MAP3K1: variants seen among roughly 807,000 people sequenced by gnomAD.
MAP3K1 encodes the protein MAP/ERK kinase kinase 1.
A neutral mutation model predicts 144.2 loss-of-function variants in MAP3K1; 36 were observed. The observed-to-expected ratio is 0.25, with a 90% CI of 0.19 to 0.33. The LOEUF is 0.33. MAP3K1 is among the 10% of genes least tolerant of loss of function. The pLI is 1.00. For synonymous variants in MAP3K1, 718 were observed against 688.7 expected, an observed-to-expected ratio of 1.04 and a Z score of -0.67; for missense variants, 1,650 against 1,881.9, an observed-to-expected ratio of 0.88 and a Z score of 2.28.
At chr5:56,851,517 T>G (rs1747172372) in intron 1 of MAP3K1, among the ~76,000 whole-genome samples, 1 of 152,204 alleles carries the variant, frequency 6.6e-6, no homozygotes, top group Non-Finnish European at 1.5e-5. Flanking sequence ...ACTTGTTAGG[T>G]TGACTTTTGT....
chr5:56,837,039 A>G (rs73759229), intron 1 of MAP3K1, among the ~76,000 whole-genome samples: 3,142 of 152,212 alleles, frequency 0.021, 103 homozygotes, highest in African/African-American at 0.073. Flanking sequence ...TCCTGCCAGC[A>G]GTATCCCCCC....
At chr5:56,847,056 C>G (rs898554808) in intron 1 of MAP3K1, among the ~76,000 whole-genome samples, 1 of 152,186 alleles carries the variant, frequency 6.6e-6, no homozygotes, top group African/African-American at 2.4e-5. Context: ...ACACTACTGC[C>G]TTATTTTCTT....
chr5:56,869,381 A>G (rs985524031), intron 6 of MAP3K1, among the ~76,000 whole-genome samples: 1 of 152,214 alleles, frequency 6.6e-6, no homozygotes, highest in African/African-American at 2.4e-5. Context: ...TACTGGAGAC[A>G]CATAGTGGTG....
chr5:56,834,245 T>C (rs1746578207), intron 1 of MAP3K1, among the ~76,000 whole-genome samples: 1 of 152,202 alleles, frequency 6.6e-6, no homozygotes, highest in African/African-American at 2.4e-5. Flanking sequence ...CTTTCCTATG[T>C]GTATGTACTG....
chr5:56,883,975 C>G (rs1748302701), intron 15 of MAP3K1, among the ~76,000 whole-genome samples: 1 of 151,996 alleles, frequency 6.6e-6, no homozygotes, highest in Non-Finnish European at 1.5e-5. Flanking sequence ...ATGGTGAAAC[C>G]CTACCTCTAC....
intron 1 of MAP3K1, among the ~76,000 whole-genome samples, chr5:56,848,642 T>G (rs915030097): frequency 6.6e-6 from 1 of 152,234 alleles, no homozygotes; most frequent in Non-Finnish European, 1.5e-5. Flanking sequence ...TATATATATT[T>G]TATGTTTCTA....
chr5:56,882,071 A>C lies in MAP3K1; in HGVS notation c.2871A>C (p.Gln957His). ...TTTEQPKPMV[Q>H]TKGRPHSQCL... is the part of the protein sequence containing the mutation. ...CAGAGCAACCAAAGCCAATGGTTCA[A>C]ACAAAAGGCAGACCCCACAGTCAGT... is the stretch of plus-strand genomic sequence containing the variant. Residue 957 changes from glutamine (Q) to histidine (H), a missense_variant, in exon 14 of 20, where the codon CAA becomes CAC. Physicochemically the swap from Gln to His is conservative, Grantham distance 24 (BLOSUM62 0). Coordinates refer to ENST00000399503, the MANE Select transcript of MAP3K1 (RefSeq NM_005921.2). 6.2e-7 allele frequency: 1 copy of C among 1,614,202 alleles called. No individual in the cohort carries two copies. The highest frequency in any genetic ancestry group is 2.2e-5 in the East Asian group (1 of 44,890).
At chr5:56,829,207 G>C (rs1243605956) in intron 1 of MAP3K1, among the ~76,000 whole-genome samples, 2 of 150,466 alleles carry the variant, frequency 1.3e-5, no homozygotes, top group Middle Eastern at 3.2e-3. Flanking sequence ...TCTGAGACAG[G>C]GTCTCACTCC....
At chr5:56,842,304 A>G (rs1746838358) in intron 1 of MAP3K1, 1 of 152,236 alleles carries the variant, frequency 6.6e-6, no homozygotes, top group Admixed American at 6.5e-5. Flanking sequence ...ATAGTGGAGG[A>G]GGACAGGACT....
intron 7 of MAP3K1, among the ~76,000 whole-genome samples, chr5:56,872,256 T>C (rs912057651): frequency 6.6e-6 from 1 of 152,126 alleles, no homozygotes; most frequent in African/African-American, 2.4e-5. Context: ...GTGTGACATA[T>C]GTGATAATGG....
chr5:56,842,435 C>G (rs1001941492), intron 1 of MAP3K1, among the ~76,000 whole-genome samples: 3 of 152,178 alleles, frequency 2.0e-5, no homozygotes, highest in Admixed American at 2.0e-4. Context: ...GGACTCTTAC[C>G]TTGTAGCTTT....
At chr5:56,839,411 C>T (rs2111808930) in intron 1 of MAP3K1, among the ~76,000 whole-genome samples, 1 of 152,140 alleles carries the variant, frequency 6.6e-6, no homozygotes, top group South Asian at 2.1e-4. Flanking sequence ...TTTATCCTTG[C>T]TTATGTGTAC....
rs140480808 is a variant in MAP3K1, at chr5:56,873,094, A to T, written c.1686+89A>T. 1.0e-5 allele frequency: 13 copies of T among 1,272,250 alleles called. No individual in the cohort carries two copies. The African/African-American group carries it at 1.8e-4, about 17-fold the overall frequency. The allele number at this position is 1,272,250 out of a possible 1,614,324, so 78.8% of individuals were successfully genotyped here. A position where few individuals can be genotyped will look rare whatever the true frequency, so the allele number is the denominator to read the frequency against. On this transcript the variant is annotated intron_variant, in intron 9 of 19. Transcript: ENST00000399503. ...TCCTTCCCTCAGTTGTTCATAATTT[A>T]AAAAAACACTTTTACTTGCCTCCAT...
intron 1 of MAP3K1, among the ~76,000 whole-genome samples, chr5:56,818,247 A>T (rs1304404158): frequency 6.6e-6 from 1 of 152,070 alleles, no homozygotes; most frequent in Non-Finnish European, 1.5e-5. Flanking sequence ...TTGAGTGTGT[A>T]TATTTTGTAT....
chr5:56,863,122 A>G (rs1189929063), intron 3 of MAP3K1, among the ~76,000 whole-genome samples: 1 of 152,242 alleles, frequency 6.6e-6, no homozygotes, highest in Non-Finnish European at 1.5e-5. Context: ...GCAAACACCT[A>G]GCTGTAGCCA....
intron 1 of MAP3K1, among the ~76,000 whole-genome samples, chr5:56,828,490 C>A (rs888688181): frequency 6.6e-6 from 1 of 152,008 alleles, no homozygotes; most frequent in South Asian, 2.1e-4. Flanking sequence ...GAATTTTAAA[C>A]CTGGGTAACA....
At chr5:56,847,238 A>G (rs1747026149) in intron 1 of MAP3K1, among the ~76,000 whole-genome samples, 1 of 152,230 alleles carries the variant, frequency 6.6e-6, no homozygotes. Context: ...GTTTTATCTT[A>G]AATATGTCAG....
At chr5:56,816,082 G>A in intron 1 of MAP3K1, 27 bp downstream of exon 1, 1 of 1,206,996 alleles carries the variant, frequency 8.3e-7, no homozygotes, top group Non-Finnish European at 1.0e-6. Context: ...GGGTCGCGGC[G>A]GGGACTTGGA....
chr5:56,880,975 A>G, intron 12 of MAP3K1, 108 bp from the exon 13 acceptor site: 1 of 1,098,146 alleles, frequency 9.1e-7, no homozygotes, highest in Admixed American at 2.1e-5. Context: ...GAAATTCTTT[A>G]AAATAGTTCA....
Sources: allele counts gnomAD v4.1 joint callset (sites outside exome capture counted in the v4.1 genomes callset), GRCh38; gene constraint gnomAD v4.1.1; transcripts MANE v1.5; gene names NCBI Gene and HGNC (gene_info 2026-07-23, HGNC 2026-07-21).